Variants in ESYT1 observed in about 807,000 individuals in gnomAD.
ESYT1 encodes extended synaptotagmin-1.
In ESYT1, 116 loss-of-function variants were observed where a neutral mutation model predicts 154.2. The ratio of observed to expected loss-of-function variants is 0.75; its 90% CI spans 0.65 to 0.88. The LOEUF (loss-of-function observed/expected upper bound fraction) is 0.88, where lower values mean the gene tolerates loss of function less well. Among genes scored for constraint, ESYT1 ranks in the 40% least tolerant of loss-of-function variants. The probability of loss-of-function intolerance (pLI) is 0.00; values close to 1 mark genes in which losing one functional copy is unlikely to be tolerated. For synonymous variants in ESYT1, 500 were observed against 539.9 expected (o/e 0.93, Z 1.02); for missense variants, 1,264 against 1,379.3 (o/e 0.92, Z 1.32).
Position 56,130,905 on chromosome 12 carries a change from C to T in ESYT1, c.547C>T (p.Arg183Ter), listed in dbSNP as rs1246206462. ...NPHLQTFTFT[R>*]VELGEKPLRI... ...CCATCTGCAAACATTTACATTTACA[C>T]GAGTGGAACTGGGTGAAAAGGTATG... The change falls in exon 3 of 31, where the codon CGA (arginine) becomes TGA (stop). Residue 183 changes from arginine to a stop codon, truncating the protein, a stop_gained. Coordinates refer to ENST00000394048, the MANE Select transcript of ESYT1 (RefSeq NM_015292.3). LOFTEE classifies it high-confidence loss of function. 4.3e-6 allele frequency: 7 copies of T among 1,614,056 alleles called. No individual in the cohort carries two copies. Among genetic ancestry groups the T allele is most frequent in the South Asian group, 3.3e-5 (3 of 91,086 alleles).
At chr12:56,130,270 C>A in intron 1 of ESYT1, 1 of 459,546 alleles carries the variant, frequency 2.2e-6, no homozygotes, top group Non-Finnish European at 4.0e-6. Context: ...CTGGACCTCC[C>A]CCTCCAGAAA....
intron 6 of ESYT1, 82 bp downstream of exon 6, chr12:56,131,648 G>C: frequency 6.2e-7 from 1 of 1,602,678 alleles, no homozygotes; most frequent in Admixed American, 1.7e-5. Flanking sequence ...GAAGGGGAAT[G>C]AGAAGGGAAC....
chr12:56,140,189 T>G (rs902151177), intron 24 of ESYT1, among the ~76,000 whole-genome samples: 1 of 152,134 alleles, frequency 6.6e-6, no homozygotes, highest in East Asian at 1.9e-4. Context: ...TTACTGGTTC[T>G]TTCGGACCAC....
intron 6 of ESYT1, 48 bp from the exon 7 acceptor site, chr12:56,131,701 T>C (rs769860174): frequency 2.5e-6 from 4 of 1,612,406 alleles, no homozygotes; most frequent in Middle Eastern, 1.7e-4. Flanking sequence ...TTGATGGGTA[T>C]GACCACACCC....
Sources: allele counts gnomAD v4.1 joint callset (sites outside exome capture counted in the v4.1 genomes callset), GRCh38; gene constraint gnomAD v4.1.1; transcripts MANE v1.5; gene names NCBI Gene and HGNC (gene_info 2026-07-23, HGNC 2026-07-21).